JADE1: variants seen among roughly 807,000 people sequenced by gnomAD.
JADE1 encodes the protein jade family PHD finger 1.
A neutral mutation model predicts 81.8 loss-of-function variants in JADE1; 14 were observed. The observed-to-expected ratio is 0.17, with a 90% confidence interval of 0.11 to 0.27. The LOEUF is 0.27. Ranked by LOEUF, JADE1 falls within the 10% of genes least tolerant of loss-of-function variation. JADE1 has a pLI of 1.00. For synonymous variants in JADE1, 353 were observed against 391.9 expected, an observed-to-expected ratio of 0.90 and a Z score of 1.17; for missense variants, 690 against 1,047.9, an observed-to-expected ratio of 0.66 and a Z score of 4.71.
At chr4:128,828,250 C>T (rs1728239356) in intron 1 of JADE1, among the ~76,000 whole-genome samples, 1 of 152,194 alleles carries the variant, frequency 6.6e-6, no homozygotes, top group Non-Finnish European at 1.5e-5. Context: ...TTGATTATTA[C>T]TTATCCTACT....
At position 128,871,374 on chromosome 4, in the gene JADE1, C is replaced by A. The variant is rs372259659; in HGVS notation, c.1641C>A (p.Ser547=). Residue 547 remains serine, a synonymous_variant, in exon 11 of 11, where the codon TCC becomes TCA. Transcript: ENST00000226319. This position sits in a 1 kb window ranked among gnomAD's most constrained non-coding sequence, Gnocchi z 4.1. ...ERVSGVPSSC[S]SSSLENMLLF... The stretch of plus-strand genomic sequence containing the variant: ...TTATAGGTGTGCCTTCTTCCTGCTC[C>A]TCCTCCTCACTGGAAAACATGCTTT... 6.2e-7 allele frequency: 1 copy of A among 1,613,326 alleles called. No homozygotes were observed. Among genetic ancestry groups the A allele is most frequent in the Non-Finnish European group, 8.5e-7 (1 of 1,179,496 alleles).
At chr4:128,817,223 A>G (rs761297244) in intron 1 of JADE1, among the ~76,000 whole-genome samples, 1 of 151,942 alleles carries the variant, frequency 6.6e-6, no homozygotes, top group Non-Finnish European at 1.5e-5. Context: ...TGTTAGAGAG[A>G]TGAGGTTTCA....
Position 128,862,006 on chromosome 4 carries a change from C to T in JADE1, c.1284C>T (p.Tyr428=), listed in dbSNP as rs769854910. Residue 428 remains tyrosine, a synonymous_variant, in exon 9 of 11, where the codon TAC becomes TAT. Transcript: ENST00000226319. ...QKLQQLEDEF[Y]TFVNLLDVAR... is the part of the protein sequence containing the mutation. Reference sequence around the variant, plus strand: ...TGCAGCAGTTGGAGGATGAGTTCTACACCTTCGTCAACCTGCTGGATGTTG... The same window carrying T: ...TGCAGCAGTTGGAGGATGAGTTCTATACCTTCGTCAACCTGCTGGATGTTG... 5.6e-6 allele frequency: 9 copies of T among 1,614,068 alleles called. No individual in the cohort carries two copies. The Middle Eastern group carries it at 6.6e-4, about 118-fold the overall frequency.
intron 4 of JADE1, among the ~76,000 whole-genome samples, chr4:128,848,264 C>G (rs546346129): frequency 1.3e-5 from 2 of 152,074 alleles, no homozygotes; most frequent in Non-Finnish European, 2.9e-5. Flanking sequence ...CTACAACCTC[C>G]GCCTCCTGGG....
intron 10 of JADE1, 65 bp downstream of exon 10, chr4:128,868,038 GGAA>G: frequency 1.4e-6 from 1 of 739,448 alleles, no homozygotes. Flanking sequence ...ACACTGTTGA[GGAA>G]GAAATAATCA....
At position 128,872,284 on chromosome 4, in the gene JADE1, G is replaced by A. The variant is rs1330848826; in HGVS notation, c.*22G>A. ...TTGATGCAACAGAGATGATGCGGAA[G>A]CCCTTTGGGCTCGTCATTGGGTTTG... On this transcript the variant is annotated 3_prime_UTR_variant, in exon 11 of 11. Coordinates refer to ENST00000226319, the MANE Select transcript of JADE1 (RefSeq NM_199320.4). 3.8e-5 allele frequency: 61 copies of A among 1,601,218 alleles called. No individual in the cohort carries two copies. Among genetic ancestry groups the A allele is most frequent in the Non-Finnish European group, 5.0e-5 (59 of 1,171,206 alleles).
intron 9 of JADE1, among the ~76,000 whole-genome samples, chr4:128,867,217 T>C (rs2125900128): frequency 6.6e-6 from 1 of 152,310 alleles, no homozygotes; most frequent in South Asian, 2.1e-4. Context: ...TTCCTAGGCA[T>C]TCGCACACCT....
At chr4:128,822,649 G>T (rs996729029) in intron 1 of JADE1, among the ~76,000 whole-genome samples, 5 of 151,820 alleles carry the variant, frequency 3.3e-5, no homozygotes, top group Non-Finnish European at 2.9e-5. Flanking sequence ...AACCTGGGAG[G>T]CGGAGGTTGC....
At chr4:128,856,951 T>G (rs903806258) in intron 7 of JADE1, among the ~76,000 whole-genome samples, 1 of 152,232 alleles carries the variant, frequency 6.6e-6, no homozygotes, top group East Asian at 1.9e-4. Context: ...CAGGTTATAT[T>G]TACTTACCCT....
intron 2 of JADE1, among the ~76,000 whole-genome samples, chr4:128,840,524 G>T: frequency 6.6e-6 from 1 of 152,140 alleles, no homozygotes; most frequent in East Asian, 1.9e-4. Context: ...ATTCCATCCA[G>T]ACACTGCGTG....
At chr4:128,828,993 CTG>C (rs1728304674) in intron 1 of JADE1, among the ~76,000 whole-genome samples, 1 of 152,060 alleles carries the variant, frequency 6.6e-6, no homozygotes, top group Non-Finnish European at 1.5e-5. Context: ...CTTTGGGGAG[CTG>C]AAGCTGTTAG....
chr4:128,868,085 C>T, intron 10 of JADE1, 112 bp downstream of exon 10: 1 of 570,496 alleles, frequency 1.8e-6, no homozygotes, highest in Non-Finnish European at 3.1e-6. Flanking sequence ...ATTTAAGAAG[C>T]ATAGACGTTC....
rs752517038 is a variant in JADE1, at chr4:128,849,130, A to C, written c.447A>C (p.Ala149=). The C allele has an allele frequency of 6.2e-7, 1 of 1,613,914 alleles. No individual in the cohort carries two copies. Among genetic ancestry groups the C allele is most frequent in the Admixed American group, 1.7e-5 (1 of 60,014 alleles). ...CRYDLNDMDA[A]WLELTNEEFK... ...ATGACCTCAATGACATGGATGCTGCATGGCTGGAACTGACCAATGAAGAAT... is the reference window on the plus strand; with the variant it reads ...ATGACCTCAATGACATGGATGCTGCCTGGCTGGAACTGACCAATGAAGAAT... Residue 149 remains alanine, a synonymous_variant, in exon 5 of 11, where the codon GCA becomes GCC. Transcript: ENST00000226319.
chr4:128,847,270 A>G (rs1401129233), intron 4 of JADE1, among the ~76,000 whole-genome samples: 1 of 152,208 alleles, frequency 6.6e-6, no homozygotes, highest in African/African-American at 2.4e-5. Flanking sequence ...CTCCGCCATC[A>G]TCAGTTGGCT....
intron 2 of JADE1, among the ~76,000 whole-genome samples, chr4:128,842,188 C>A (rs765049983): frequency 6.6e-6 from 1 of 152,136 alleles, no homozygotes; most frequent in Non-Finnish European, 1.5e-5. Context: ...GCCTGAGGTT[C>A]CCTGTCTAGG....
chr4:128,870,632 C>T (rs922280807), intron 10 of JADE1, among the ~76,000 whole-genome samples: 3 of 152,162 alleles, frequency 2.0e-5, no homozygotes, highest in Middle Eastern at 3.4e-3. Context: ...AATATTATTT[C>T]GTGAAATGTG....
intron 8 of JADE1, among the ~76,000 whole-genome samples, chr4:128,859,242 ATGCATATGTG>A (rs1457312705): frequency 6.6e-6 from 1 of 151,490 alleles, no homozygotes; most frequent in Non-Finnish European, 1.5e-5. Flanking sequence ...GTGGGTGAGC[ATGCATATGTG>A]TGCATGTGTG....
intron 1 of JADE1, among the ~76,000 whole-genome samples, chr4:128,814,751 C>T (rs10857131): frequency 0.73 from 111,283 of 151,734 alleles, 43,101 homozygotes; most frequent in South Asian, 0.91. Flanking sequence ...TTAGTAGAGA[C>T]GGGTTTTCAC....
intron 2 of JADE1, among the ~76,000 whole-genome samples, chr4:128,834,893 C>G (rs1481126153): frequency 2.6e-5 from 4 of 151,812 alleles, no homozygotes. Context: ...TGACTGTAAT[C>G]CTGACACTTA....
Sources: gnomAD v4.1 joint callset for allele counts (sites outside exome capture counted in the v4.1 genomes callset) on GRCh38, gnomAD v4.1.1 for gene constraint, Gnocchi (gnomAD v3.1) non-coding constraint, MANE v1.5 for transcripts, NCBI Gene and HGNC (gene_info 2026-07-23, HGNC 2026-07-21) for gene names.